Variants in TIMD4 observed in about 807,000 individuals in gnomAD.
TIMD4 encodes T-cell immunoglobulin and mucin domain-containing protein 4.
In TIMD4, 31 loss-of-function variants were observed where a neutral mutation model predicts 41.2. The ratio of observed to expected loss-of-function variants is 0.75; its 90% CI spans 0.57 to 1.01. The LOEUF (loss-of-function observed/expected upper bound fraction) is 1.01. Ranked by LOEUF, TIMD4 falls within the 50% of genes least tolerant of loss-of-function variation. The probability of loss-of-function intolerance (pLI) is 0.00; values close to 1 mark genes in which losing one functional copy is unlikely to be tolerated. For synonymous variants in TIMD4, 204 were observed against 177.1 expected, an observed-to-expected ratio of 1.15 and a Z score of -1.21; for missense variants, 479 against 472.5, an observed-to-expected ratio of 1.01 and a Z score of -0.13.
At chr5:156,939,929 C>G (rs902358684) in intron 5 of TIMD4, among the ~76,000 whole-genome samples, 4 of 152,194 alleles carry the variant, frequency 2.6e-5, no homozygotes, top group Admixed American at 6.5e-5. Flanking sequence ...AATGCCATTC[C>G]CTACTCAAAA....
chr5:156,939,306 A>G (rs1759597978), intron 5 of TIMD4, among the ~76,000 whole-genome samples: 1 of 152,206 alleles, frequency 6.6e-6, no homozygotes. Context: ...AATTGCTCAC[A>G]ATGAGACAAT....
chr5:156,921,085 T>C (rs538955901), intron 7 of TIMD4, among the ~76,000 whole-genome samples: 1 of 149,330 alleles, frequency 6.7e-6, no homozygotes, highest in Admixed American at 6.8e-5. Context: ...AACCATAAGC[T>C]GTTTCATGGC....
At chr5:156,960,407 T>C (rs1250149014) in intron 1 of TIMD4, among the ~76,000 whole-genome samples, 17 of 120,038 alleles carry the variant, frequency 1.4e-4, no homozygotes, top group African/African-American at 5.1e-4. Context: ...TCTTCCCCCT[T>C]TTTTTTTTTT....
At chr5:156,950,118 AC>A (rs1290054929) in intron 3 of TIMD4, among the ~76,000 whole-genome samples, 1 of 79,710 alleles carries the variant, frequency 1.3e-5, no homozygotes, top group Non-Finnish European at 2.6e-5. Context: ...ACACCTGGCC[AC>A]TTTTTTTTTC....
At position 156,951,739 on chromosome 5, in the gene TIMD4, G is replaced by T; in HGVS notation, c.452C>A (p.Thr151Lys). Residue 151 changes from threonine to lysine, a missense_variant, in exon 3 of 9, where the codon ACA becomes AAA. Transcript: ENST00000274532. Reference protein sequence around the residue: ...TATTTTRRTTTTSPTTTRQMT... With the variant: ...TATTTTRRTTKTSPTTTRQMT... ...TTGTCGGGTGGTGGTGGGGCTTGTT[G>T]TTGTTGTTCTGCGTGTGGTGGTGGT... 1 of 1,614,146 alleles carries T rather than the reference G, an allele frequency of 6.2e-7. No homozygotes were observed. The highest frequency in any genetic ancestry group is 8.5e-7 in the Non-Finnish European group (1 of 1,180,024).
At chr5:156,953,680 G>C (rs1424964117) in intron 2 of TIMD4, among the ~76,000 whole-genome samples, 2 of 142,944 alleles carry the variant, frequency 1.4e-5, no homozygotes, top group South Asian at 4.4e-4. Flanking sequence ...AAAAAAGAGA[G>C]AGAGAGAGAA....
chr5:156,962,652 G>C (rs983573874), intron 1 of TIMD4, among the ~76,000 whole-genome samples: 1 of 152,120 alleles, frequency 6.6e-6, no homozygotes, highest in Admixed American at 6.6e-5. Flanking sequence ...CCAAAACTGA[G>C]TGTGTACACT....
chr5:156,927,684 G>C (rs531970886), intron 5 of TIMD4, among the ~76,000 whole-genome samples: 111 of 152,320 alleles, frequency 7.3e-4, no homozygotes, highest in African/African-American at 2.6e-3. Context: ...CAGAACAACA[G>C]GATATGGACA....
intron 7 of TIMD4, among the ~76,000 whole-genome samples, 154 bp from the exon 8 acceptor site, chr5:156,920,657 C>A (rs1759220732): frequency 6.6e-6 from 1 of 152,166 alleles, no homozygotes; most frequent in Non-Finnish European, 1.5e-5. Flanking sequence ...ATTCCCTTTC[C>A]CAGGTCAAAC....
chr5:156,920,163 A>G (rs1052571399), intron 8 of TIMD4, among the ~76,000 whole-genome samples: 1 of 152,210 alleles, frequency 6.6e-6, no homozygotes, highest in Non-Finnish European at 1.5e-5. Context: ...CTCTTAAACT[A>G]ACTTACCCAT....
In TIMD4 at chr5:156,941,124, G is replaced by A. The variant is rs572482994; in HGVS notation, c.844+7292C>T. Among the ~76,000 whole-genome samples, 103 of 152,124 alleles carry A rather than the reference G, an allele frequency of 6.8e-4. 2 individuals are homozygous for A. The highest frequency in any genetic ancestry group is 9.8e-4 in the Admixed American group (15 of 15,294). ...ACAGATGCTTGAAGGCAGCATGCTC[G>A]TTAAGAGTCATCACCACTCCCTAAT... On this transcript the variant is annotated intron_variant, in intron 5 of 8. Transcript: ENST00000274532.
intron 2 of TIMD4, among the ~76,000 whole-genome samples, chr5:156,954,044 T>A (rs1697312640): frequency 6.6e-6 from 1 of 152,212 alleles, no homozygotes; most frequent in African/African-American, 2.4e-5. Context: ...TACATTTTAT[T>A]TAGTTCATGC....
intron 1 of TIMD4, among the ~76,000 whole-genome samples, chr5:156,960,261 G>A (rs960477288): frequency 1.7e-4 from 26 of 151,958 alleles, no homozygotes; most frequent in African/African-American, 5.5e-4. Context: ...AAGTTTCCAG[G>A]ATAAGACAAA....
At position 156,949,651 on chromosome 5, in the gene TIMD4, C is replaced by T; in HGVS notation, c.760G>A (p.Glu254Lys). 4 of 1,610,234 alleles carry T rather than the reference C, an allele frequency of 2.5e-6. No homozygotes were observed. Among genetic ancestry groups the T allele is most frequent in the Non-Finnish European group, 3.4e-6 (4 of 1,176,634 alleles). Residue 254 changes from glutamate to lysine, a missense_variant and splice_region_variant, in exon 4 of 9, where the codon GAG (glutamate) becomes AAG (lysine). Physicochemically the swap from Glu to Lys is moderately conservative, Grantham distance 56. Coordinates refer to ENST00000274532, the MANE Select transcript of TIMD4 (RefSeq NM_138379.3). Reference sequence around the variant, plus strand: ...ACAGAGAGAGTGAGTGTCTGCACACCTTTGGATGTCAGCAGGACAGTGTCA... The same window carrying T: ...ACAGAGAGAGTGAGTGTCTGCACACTTTTGGATGTCAGCAGGACAGTGTCA... ...SADTVLLTSKESKVWDLPSTS... is the reference protein window; with the variant it reads ...SADTVLLTSKKSKVWDLPSTS...
At position 156,919,462 on chromosome 5, in the gene TIMD4, G is replaced by A. The variant is rs778206598; in HGVS notation, c.1132C>T (p.Leu378Phe). Residue 378 changes from leucine (L) to phenylalanine (F), a missense_variant, in exon 9 of 9, where the codon CTC becomes TTC. By Grantham distance (22) the Leu-to-Phe change is conservative. Transcript: ENST00000274532. ...GREDEDGLFT[L>F] ...TCTAACATGCTACTGCGTTGTTAGA[G>A]GGTAAAAAGGCCGTCTTCGTCTTCC... 2 of 1,613,944 alleles carry A rather than the reference G, an allele frequency of 1.2e-6. No individual in the cohort carries two copies. The highest frequency in any genetic ancestry group is 1.3e-5 in the African/African-American group (1 of 75,034).
intron 5 of TIMD4, among the ~76,000 whole-genome samples, chr5:156,941,731 G>A (rs1759655485): frequency 6.6e-6 from 1 of 152,178 alleles, no homozygotes; most frequent in Non-Finnish European, 1.5e-5. Context: ...CCACTAAAGT[G>A]TGATCCCTTT....
At chr5:156,949,235 C>T (rs1456841440) in intron 4 of TIMD4, among the ~76,000 whole-genome samples, 1 of 152,176 alleles carries the variant, frequency 6.6e-6, no homozygotes, top group African/African-American at 2.4e-5. Flanking sequence ...ACTCTAAAAA[C>T]CCAATGCATT....
chr5:156,953,203 C>T (rs1656620807), intron 2 of TIMD4, among the ~76,000 whole-genome samples: 1 of 152,212 alleles, frequency 6.6e-6, no homozygotes, highest in Non-Finnish European at 1.5e-5. Flanking sequence ...CATCTAACTT[C>T]AATAAACCTC....
At chr5:156,940,564 C>T (rs568007614) in intron 5 of TIMD4, among the ~76,000 whole-genome samples, 280 of 151,184 alleles carry the variant, frequency 1.9e-3, no homozygotes, top group African/African-American at 6.6e-3. Context: ...GCCTCTGCCC[C>T]GCCGCCCCGT....
Sources: allele counts gnomAD v4.1 joint callset (sites outside exome capture counted in the v4.1 genomes callset), GRCh38; gene constraint gnomAD v4.1.1; transcripts MANE v1.5; gene names NCBI Gene and HGNC (gene_info 2026-07-23, HGNC 2026-07-21).